Variants in PTPN14 observed in about 807,000 individuals in gnomAD.
PTPN14 encodes tyrosine-protein phosphatase non-receptor type 14.
Under a neutral mutation model 126.8 loss-of-function variants are expected in PTPN14, and 53 were observed. The observed-to-expected ratio is 0.42, with a 90% CI of 0.34 to 0.53. PTPN14 has a LOEUF of 0.53. PTPN14 is among the 20% of genes least tolerant of loss of function. The probability of loss-of-function intolerance (pLI) is 0.08; values close to 1 mark genes in which losing one functional copy is unlikely to be tolerated. For synonymous variants in PTPN14, 630 were observed against 599.3 expected, an observed-to-expected ratio of 1.05 and a Z score of -0.75; for missense variants, 1,257 against 1,552.9, an observed-to-expected ratio of 0.81 and a Z score of 3.20.
chr1:214,353,728 C>G lies in PTPN14; in HGVS notation c.*4194G>C, dbSNP rs1657752837. On this transcript the variant is annotated 3_prime_UTR_variant, in exon 19 of 19. Transcript: ENST00000366956. ...TATCTACCTCTGCAACTTCCATGTC[C>G]CAGGAGATGGCCCATTCACCAAGTG... 6.6e-6 allele frequency: 1 copy of G among 152,180 alleles called. No individual in the cohort carries two copies. The highest frequency in any genetic ancestry group is 2.4e-5 in the African/African-American group (1 of 41,426). The allele number at this position is 152,180 out of a possible 1,614,324, so 9.4% of individuals were successfully genotyped here. A position where few individuals can be genotyped will look rare whatever the true frequency, so the allele number is the denominator to read the frequency against.
intron 1 of PTPN14, among the ~76,000 whole-genome samples, chr1:214,514,981 A>G (rs1180604702): frequency 6.6e-6 from 1 of 152,096 alleles, no homozygotes; most frequent in Non-Finnish European, 1.5e-5. Context: ...CCGACAATAA[A>G]CAAGCATCCA....
Position 214,464,841 on chromosome 1 carries a change from C to A in PTPN14, c.-38G>T. The A allele has an allele frequency of 6.2e-7, 1 of 1,607,350 alleles. No homozygotes were observed. Among genetic ancestry groups the A allele is most frequent in the Non-Finnish European group, 8.5e-7 (1 of 1,174,854 alleles). On this transcript the variant is annotated 5_prime_UTR_variant, in exon 2 of 19. Coordinates refer to ENST00000366956, the MANE Select transcript of PTPN14 (RefSeq NM_005401.5). ...CTCGGACGCCGCCCGCCTATCCTGG[C>A]GCACACGCCCCTGAGATGGCCTTAG...
rs773842917 is a variant in PTPN14 at position 214,402,959 on chromosome 1, A to C, written c.511-6T>G. 3 of 1,613,724 alleles carry C rather than the reference A, an allele frequency of 1.9e-6. No individual in the cohort carries two copies. Among genetic ancestry groups the C allele is most frequent in the African/African-American group, 2.7e-5 (2 of 74,892 alleles). Reference sequence around the variant, plus strand: ...GCCTCTTCCAGGGCCAAATCCTATAAGAATAGAAAGTGCTTAAGGTCACAT... The same window carrying C: ...GCCTCTTCCAGGGCCAAATCCTATACGAATAGAAAGTGCTTAAGGTCACAT... On this transcript the variant is annotated splice_polypyrimidine_tract_variant and splice_region_variant and intron_variant, in intron 5 of 18. Transcript: ENST00000366956.
chr1:214,480,799 C>T (rs1247175853), intron 1 of PTPN14, among the ~76,000 whole-genome samples: 1 of 152,094 alleles, frequency 6.6e-6, no homozygotes, highest in Non-Finnish European at 1.5e-5. Context: ...TCTCAAAAAC[C>T]ATTATTCCCA....
At chr1:214,433,681 C>A (rs1460543398) in intron 3 of PTPN14, among the ~76,000 whole-genome samples, 1 of 151,924 alleles carries the variant, frequency 6.6e-6, no homozygotes, top group Non-Finnish European at 1.5e-5. Flanking sequence ...ACGTCCAGTT[C>A]CCAGCACACA....
chr1:214,517,494 A>T (rs1205520799), intron 1 of PTPN14, among the ~76,000 whole-genome samples: 2 of 151,920 alleles, frequency 1.3e-5, no homozygotes, highest in Admixed American at 6.6e-5. Flanking sequence ...TATTAAAAAA[A>T]AAAAAAACAT....
intron 5 of PTPN14, 81 bp from the exon 6 acceptor site, chr1:214,403,034 C>T (rs929400036): frequency 2.2e-6 from 3 of 1,377,626 alleles, no homozygotes; most frequent in Non-Finnish European, 3.1e-6. Context: ...AGCTCCCTTC[C>T]TCAGATGTTC....
chr1:214,391,847 T>A (rs1441043873), intron 10 of PTPN14, among the ~76,000 whole-genome samples: 1 of 152,158 alleles, frequency 6.6e-6, no homozygotes, highest in East Asian at 1.9e-4. Context: ...GGAGGTAATA[T>A]AGCAATGGTG....
At chr1:214,462,440 T>C (rs967269891) in intron 2 of PTPN14, among the ~76,000 whole-genome samples, 3 of 152,254 alleles carry the variant, frequency 2.0e-5, no homozygotes, top group Non-Finnish European at 2.9e-5. Context: ...CCCCAAAATG[T>C]TGGCTGCTCT....
chr1:214,477,931 C>T (rs531053300), intron 1 of PTPN14, among the ~76,000 whole-genome samples: 1 of 152,310 alleles, frequency 6.6e-6, no homozygotes, highest in East Asian at 1.9e-4. Context: ...TTTCAAACCT[C>T]CCTAGGAATA....
chr1:214,357,823 C>T lies in PTPN14; in HGVS notation c.*99G>A. 1 of 1,051,092 alleles carries T rather than the reference C, an allele frequency of 9.5e-7. No individual in the cohort carries two copies. Among genetic ancestry groups the T allele is most frequent in the South Asian group, 1.7e-5 (1 of 57,446 alleles). 65.1% of individuals were successfully genotyped at this position (1,051,092 alleles called of 1,614,324 possible). On this transcript the variant is annotated 3_prime_UTR_variant, in exon 19 of 19. Transcript: ENST00000366956. ...CTTCAGAGAGCCTGTTTGCTGCCAG[C>T]CACCTGCACCCCTGTGGGGGGAGCA...
At chr1:214,381,366 T>C (rs1658468182) in intron 13 of PTPN14, among the ~76,000 whole-genome samples, 1 of 152,190 alleles carries the variant, frequency 6.6e-6, no homozygotes, top group Non-Finnish European at 1.5e-5. Flanking sequence ...GAAAAATCAT[T>C]TTCTACCAAT....
At chr1:214,449,011 C>CTTTTCTTTTTT (rs1660211008) in intron 3 of PTPN14, among the ~76,000 whole-genome samples, 1 of 112,440 alleles carries the variant, frequency 8.9e-6, no homozygotes, top group Non-Finnish European at 1.8e-5. Context: ...CTTAATTTTT[C>CTTTTCTTTTTT]TTTTTTTTTT....
chr1:214,357,973 C>G lies in PTPN14; in HGVS notation c.3513G>C (p.Lys1171Asn). The stretch of plus-strand genomic sequence containing the variant: ...ACTGGATGAGGACTTGGTAGACAAA[C>G]TTGTACTGAGCGATAGTCTGGATCA... ...MFMIQTIAQYKFVYQVLIQFL... is the reference protein window; with the variant it reads ...MFMIQTIAQYNFVYQVLIQFL... The change falls in exon 19 of 19, where the codon AAG becomes AAC. Residue 1171 changes from lysine (K) to asparagine (N), a missense_variant. Coordinates refer to ENST00000366956, the MANE Select transcript of PTPN14 (RefSeq NM_005401.5). 1 of 1,613,544 alleles carries G rather than the reference C, an allele frequency of 6.2e-7. No homozygotes were observed. Among genetic ancestry groups the G allele is most frequent in the East Asian group, 2.2e-5 (1 of 44,844 alleles).
intron 3 of PTPN14, among the ~76,000 whole-genome samples, chr1:214,429,249 T>G (rs759897344): frequency 2.0e-5 from 3 of 152,244 alleles, no homozygotes; most frequent in South Asian, 2.1e-4. Flanking sequence ...GACTCCTTTA[T>G]AGTTTACCAC....
intron 1 of PTPN14, chr1:214,530,243 CTT>C (rs1300059554): frequency 6.6e-6 from 1 of 152,088 alleles, no homozygotes; most frequent in East Asian, 1.9e-4. Flanking sequence ...AACAGTAACT[CTT>C]TGAGGGCAAC....
intron 7 of PTPN14, 84 bp from the exon 8 acceptor site, chr1:214,398,085 T>C: frequency 9.2e-7 from 1 of 1,087,074 alleles, no homozygotes; most frequent in Non-Finnish European, 1.4e-6. Context: ...GGAATCGACC[T>C]GAGTGTCCAT....
chr1:214,424,350 AAC>A (rs2102597939), intron 3 of PTPN14, among the ~76,000 whole-genome samples: 1 of 152,282 alleles, frequency 6.6e-6, no homozygotes, highest in East Asian at 1.9e-4. Context: ...AACGTTTGAA[AAC>A]ACAGACATAA....
At chr1:214,436,714 G>C (rs1338419093) in intron 3 of PTPN14, among the ~76,000 whole-genome samples, 4 of 151,164 alleles carry the variant, frequency 2.6e-5, no homozygotes, top group Admixed American at 1.3e-4. Flanking sequence ...TTGAACCCGG[G>C]AGGCGGAGGT....
Sources: allele counts gnomAD v4.1 joint callset (sites outside exome capture counted in the v4.1 genomes callset), GRCh38; gene constraint gnomAD v4.1.1; transcripts MANE v1.5; gene names NCBI Gene and HGNC (gene_info 2026-07-23, HGNC 2026-07-21).